Variants in TBX19 observed in about 807,000 individuals in gnomAD.
TBX19 encodes T-box transcription factor 19, also known as T-box transcription factor TBX19.
TBX19 carries 33 observed loss-of-function variants against 40.9 expected under a neutral mutation model. The observed-to-expected ratio is 0.81, with a 90% CI of 0.61 to 1.08. The LOEUF (loss-of-function observed/expected upper bound fraction) is 1.08. Ranked by LOEUF, TBX19 falls within the 50% of genes least tolerant of loss-of-function variation. The probability of loss-of-function intolerance (pLI) is 0.00; values close to 1 mark genes in which losing one functional copy is unlikely to be tolerated. For missense variants in TBX19, 494 were observed against 574.0 expected, an observed-to-expected ratio of 0.86 and a Z score of 1.42; for synonymous variants, 220 against 225.0, an observed-to-expected ratio of 0.98 and a Z score of 0.20.
Position 168,290,947 on chromosome 1 carries a change from T to G in TBX19, c.204-213T>G, listed in dbSNP as rs183168862. Among the ~76,000 whole-genome samples the G allele has an allele frequency of 6.7e-3, 1,022 of 152,268 alleles. 16 individuals carry two copies. Among genetic ancestry groups the G allele is most frequent in the Non-Finnish European group, 6.9e-3 (472 of 68,004 alleles). ...ATGACTCCATCAGTGGTTTTCAGAC[T>G]TTAAAACGGAGCATGTTTTAAAGTG... On this transcript the variant is annotated intron_variant, in intron 1 of 7. Transcript: ENST00000367821.
In TBX19 at chr1:168,284,460, A is replaced by G. The variant is rs1648753514; in HGVS notation, c.203+3167A>G. ...GAGGCTGAAGTGGGAGGATTGCTTG[A>G]GCCCAGGAGTTTGAAACCAGACTGG... On this transcript the variant is annotated intron_variant, in intron 1 of 7. Coordinates refer to ENST00000367821, the MANE Select transcript of TBX19 (RefSeq NM_005149.3). Among the ~76,000 whole-genome samples the G allele has an allele frequency of 2.0e-5, 3 of 152,142 alleles. No individual in the cohort carries two copies. In the South Asian group the frequency reaches 6.2e-4, roughly 32 times the overall value.
Position 168,281,296 on chromosome 1 carries a change from G to A in TBX19, c.203+3G>A. The A allele has an allele frequency of 6.2e-7, 1 of 1,614,016 alleles. No homozygotes were observed. The highest frequency in any genetic ancestry group is 1.7e-5 in the Admixed American group (1 of 60,024). On this transcript the variant is annotated splice_donor_region_variant and intron_variant, in intron 1 of 7. Transcript: ENST00000367821. ...ATGATTGTGACCAAGAATGGCAGGTGAGTTTATCTGCCGCCCCGCGTGGGC... is the reference window on the plus strand; with the variant it reads ...ATGATTGTGACCAAGAATGGCAGGTAAGTTTATCTGCCGCCCCGCGTGGGC...
chr1:168,293,495 T>C (rs1649007449), intron 3 of TBX19, among the ~76,000 whole-genome samples: 1 of 152,122 alleles, frequency 6.6e-6, no homozygotes, highest in Non-Finnish European at 1.5e-5. Context: ...TGTGCTCTCC[T>C]GGTGCCAACA....
chr1:168,312,124 G>A (rs982911373), intron 7 of TBX19, among the ~76,000 whole-genome samples: 1 of 152,210 alleles, frequency 6.6e-6, no homozygotes, highest in Non-Finnish European at 1.5e-5. Context: ...CATTTACTGA[G>A]TACTACATGC....
intron 1 of TBX19, among the ~76,000 whole-genome samples, chr1:168,284,761 C>T (rs866025750): frequency 5.2e-5 from 5 of 97,056 alleles, no homozygotes; most frequent in Admixed American, 1.3e-4. Flanking sequence ...AGAGTGAGAC[C>T]GTGTCTCAAA....
chr1:168,308,727 T>A lies in TBX19; in HGVS notation c.917-15T>A. The A allele has an allele frequency of 6.2e-7, 1 of 1,614,134 alleles. No homozygotes were observed. The highest frequency in any genetic ancestry group is 8.5e-7 in the Non-Finnish European group (1 of 1,180,016). On this transcript the variant is annotated splice_polypyrimidine_tract_variant and intron_variant, in intron 6 of 7. Transcript: ENST00000367821. ...CTACATTTGCTATCAATTCAACTGT[T>A]GTTATTTCCCCAAGTGAATTTGATA...
chr1:168,303,788 A>G (rs1297778584), intron 5 of TBX19, among the ~76,000 whole-genome samples: 1 of 152,198 alleles, frequency 6.6e-6, no homozygotes, highest in Non-Finnish European at 1.5e-5. Context: ...TAGACCGCAT[A>G]GGGTAACTTC....
At chr1:168,303,277 T>C (rs1426028901) in intron 5 of TBX19, among the ~76,000 whole-genome samples, 1 of 152,068 alleles carries the variant, frequency 6.6e-6, no homozygotes, top group East Asian at 1.9e-4. Flanking sequence ...CACCTATGAG[T>C]GAGAACATGC....
chr1:168,310,948 AT>A (rs1174066874), intron 7 of TBX19, among the ~76,000 whole-genome samples: 2 of 149,810 alleles, frequency 1.3e-5, no homozygotes, highest in Non-Finnish European at 3.0e-5. Flanking sequence ...TTGAAATAAT[AT>A]TTTGAATATT....
chr1:168,283,331 A>G (rs1355419085), intron 1 of TBX19, among the ~76,000 whole-genome samples: 1 of 152,130 alleles, frequency 6.6e-6, no homozygotes, highest in Non-Finnish European at 1.5e-5. Flanking sequence ...TTTTTCTTAA[A>G]TTCTCCTAAG....
chr1:168,293,319 G>GTGTT (rs2102354853), intron 3 of TBX19, 41 bp downstream of exon 3: 1 of 1,566,220 alleles, frequency 6.4e-7, no homozygotes, highest in African/African-American at 1.4e-5. Flanking sequence ...GTGTGTGTGT[G>GTGTT]TGTGTGTAAC....
At chr1:168,288,121 A>G (rs1282617905) in intron 1 of TBX19, among the ~76,000 whole-genome samples, 1 of 152,192 alleles carries the variant, frequency 6.6e-6, no homozygotes, top group African/African-American at 2.4e-5. Flanking sequence ...GCCCCTGCAA[A>G]TATCAAAATC....
intron 1 of TBX19, among the ~76,000 whole-genome samples, chr1:168,286,219 CTTT>C (rs1648802264): frequency 6.6e-6 from 1 of 152,232 alleles, no homozygotes; most frequent in Admixed American, 6.5e-5. Context: ...ACTGTGACTT[CTTT>C]GTTTTTATTA....
chr1:168,293,569 C>G (rs1197711388), intron 3 of TBX19, among the ~76,000 whole-genome samples: 1 of 152,116 alleles, frequency 6.6e-6, no homozygotes, highest in Non-Finnish European at 1.5e-5. Context: ...TCTTTGTTGT[C>G]AGGACCCTAT....
chr1:168,292,803 G>A (rs1648975647), intron 2 of TBX19, among the ~76,000 whole-genome samples: 1 of 149,014 alleles, frequency 6.7e-6, no homozygotes, highest in African/African-American at 2.5e-5. Context: ...GGCGGAGCTT[G>A]CAGTGAGCTG....
chr1:168,295,302 A>G (rs1252229674), intron 3 of TBX19, among the ~76,000 whole-genome samples: 1 of 152,134 alleles, frequency 6.6e-6, no homozygotes, highest in African/African-American at 2.4e-5. Flanking sequence ...GGAAAAAAAA[A>G]AAGATCTTGT....
intron 3 of TBX19, 73 bp downstream of exon 3, chr1:168,293,351 A>C (rs1649001491): frequency 1.2e-5 from 18 of 1,477,734 alleles, no homozygotes; most frequent in Non-Finnish European, 1.5e-5. Context: ...AGATCATGGC[A>C]GGATGGGCGG....
intron 1 of TBX19, among the ~76,000 whole-genome samples, chr1:168,287,308 C>T (rs894662592): frequency 6.6e-6 from 1 of 152,180 alleles, no homozygotes; most frequent in Non-Finnish European, 1.5e-5. Flanking sequence ...AAGTGCACCT[C>T]CTCTAACATT....
intron 5 of TBX19, among the ~76,000 whole-genome samples, chr1:168,301,533 T>A (rs113461999): frequency 4.6e-5 from 7 of 152,262 alleles, no homozygotes; most frequent in African/African-American, 1.4e-4. Flanking sequence ...AGTGCCGGGA[T>A]TACAGGCATG....
Sources: allele counts gnomAD v4.1 joint callset (sites outside exome capture counted in the v4.1 genomes callset), GRCh38; gene constraint gnomAD v4.1.1; transcripts MANE v1.5; gene names NCBI Gene and HGNC (gene_info 2026-07-23, HGNC 2026-07-21).